Variants in PSMD12 observed in about 807,000 individuals in gnomAD.
The protein encoded by PSMD12 is 26S proteasome non-ATPase regulatory subunit 12.
Under a neutral mutation model 62.9 loss-of-function variants are expected in PSMD12, and 8 were observed. That is an observed-to-expected ratio of 0.13 (90% CI 0.07 to 0.23). The LOEUF is 0.23. PSMD12 is among the 10% of genes least tolerant of loss of function. The probability of loss-of-function intolerance (pLI) is 1.00; values close to 1 mark genes in which losing one functional copy is unlikely to be tolerated. For missense variants in PSMD12, 424 were observed against 550.2 expected (o/e 0.77, Z 2.29); for synonymous variants, 173 against 187.4 (o/e 0.92, Z 0.63).
intron 3 of PSMD12, among the ~76,000 whole-genome samples, chr17:67,352,928 T>G (rs1399125661): frequency 1.3e-5 from 2 of 152,334 alleles, no homozygotes; most frequent in African/African-American, 4.8e-5. Context: ...TGCTGGCCAT[T>G]TGTATATGCC....
rs1422789356 is a variant in PSMD12 at position 67,366,501 on chromosome 17, C to G, written c.19G>C (p.Glu7Gln). 3 of 1,607,856 alleles carry G rather than the reference C, an allele frequency of 1.9e-6. No homozygotes were observed. Among genetic ancestry groups the G allele is most frequent in the African/African-American group, 1.3e-5 (1 of 75,002 alleles). MADGGSERADGRIVKME... is the reference protein window; with the variant it reads MADGGSQRADGRIVKME... ...TTGACGATGCGCCCGTCAGCCCGCTCCGAGCCGCCGTCCGCCATGGTCCCC... is the reference window on the plus strand; with the variant it reads ...TTGACGATGCGCCCGTCAGCCCGCTGCGAGCCGCCGTCCGCCATGGTCCCC... The change falls in exon 1 of 11, where the codon GAG becomes CAG. Residue 7 changes from glutamate (E) to glutamine (Q), a missense_variant. By Grantham distance (29) the Glu-to-Gln change is conservative. Coordinates refer to ENST00000356126, the MANE Select transcript of PSMD12 (RefSeq NM_002816.5).
chr17:67,366,537 C>A lies in PSMD12; in HGVS notation c.-18G>T. 1.3e-6 allele frequency: 2 copies of A among 1,587,880 alleles called. No homozygotes were observed. Among genetic ancestry groups the A allele is most frequent in the Non-Finnish European group, 1.7e-6 (2 of 1,168,468 alleles). ...TCCGCCATGGTCCCCGCCTGAGCGT[C>A]CCTTGCTGTCCCCCTGCTTCGGCCA... On this transcript the variant is annotated 5_prime_UTR_variant, in exon 1 of 11. Transcript: ENST00000356126.
At position 67,340,787 on chromosome 17, in the gene PSMD12, AAC is replaced by A. The variant is rs1389303100; in HGVS notation, c.*54_*55del. 3 of 1,387,146 alleles carry A rather than the reference AAC, an allele frequency of 2.2e-6. No homozygotes were observed. The highest frequency in any genetic ancestry group is 2.5e-5 in the East Asian group (1 of 39,650). 85.9% of individuals were successfully genotyped at this position (1,387,146 alleles called of 1,614,324 possible). ...AAAACCCCAACATATACACCATTAT[AAC>A]AGTCTTTTTTTAATGACTTCCAATT... On this transcript the variant is annotated 3_prime_UTR_variant, in exon 11 of 11. Coordinates refer to ENST00000356126, the MANE Select transcript of PSMD12 (RefSeq NM_002816.5).
intron 4 of PSMD12, among the ~76,000 whole-genome samples, chr17:67,349,692 AGTT>A (rs1465567373): frequency 6.6e-6 from 1 of 152,226 alleles, no homozygotes; most frequent in Non-Finnish European, 1.5e-5. Context: ...TAGGTATTAA[AGTT>A]GTTAACATTT....
At chr17:67,344,859 T>C in intron 8 of PSMD12, 79 bp from the exon 9 acceptor site, 1 of 1,215,782 alleles carries the variant, frequency 8.2e-7, no homozygotes, top group Non-Finnish European at 1.1e-6. Flanking sequence ...GTTCAAAAAA[T>C]TCAGCAAAGA....
intron 3 of PSMD12, among the ~76,000 whole-genome samples, chr17:67,354,962 C>T (rs1381293316): frequency 6.6e-6 from 1 of 152,136 alleles, no homozygotes; most frequent in Non-Finnish European, 1.5e-5. Context: ...TGCACTCCAG[C>T]CTGGGGGACA....
intron 3 of PSMD12, 74 bp from the exon 4 acceptor site, chr17:67,350,410 G>A (rs1367743592): frequency 3.1e-5 from 35 of 1,124,774 alleles, no homozygotes; most frequent in Non-Finnish European, 4.1e-5. Flanking sequence ...ATTGATCAAA[G>A]AGCAATGATC....
Position 67,347,164 on chromosome 17 carries a change from T to A in PSMD12, c.747A>T (p.Ala249=), listed in dbSNP as rs1191078965. The A allele has an allele frequency of 6.2e-7, 1 of 1,612,964 alleles. No homozygotes were observed. Among genetic ancestry groups the A allele is most frequent in the Non-Finnish European group, 8.5e-7 (1 of 1,179,336 alleles). ...SYLSICKHYR[A]IYDTPCIQAE... Reference sequence around the variant, plus strand: ...CCTGTATACAGGGAGTATCATATATTGCTCTGTAGTGCTTACAAATAGACA... The same window carrying A: ...CCTGTATACAGGGAGTATCATATATAGCTCTGTAGTGCTTACAAATAGACA... Residue 249 remains alanine (A), a synonymous_variant, in exon 7 of 11, where the codon GCA becomes GCT. Transcript: ENST00000356126.
At chr17:67,355,367 C>T (rs2042059009) in intron 3 of PSMD12, 1 of 152,258 alleles carries the variant, frequency 6.6e-6, no homozygotes, top group South Asian at 2.1e-4. Context: ...GCTGGTATTA[C>T]AGGTGTGATC....
At chr17:67,362,603 A>G (rs2042142165) in intron 1 of PSMD12, among the ~76,000 whole-genome samples, 1 of 149,262 alleles carries the variant, frequency 6.7e-6, no homozygotes, top group Non-Finnish European at 1.5e-5. Context: ...TGGAGGTTGC[A>G]GTGAGCCGAG....
In PSMD12 at chr17:67,339,516, C is replaced by T. The variant is rs1354666038; in HGVS notation, c.*1327G>A. 6.6e-6 allele frequency: 1 copy of T among 152,172 alleles called. No individual in the cohort carries two copies. Among genetic ancestry groups the T allele is most frequent in the Non-Finnish European group, 1.5e-5 (1 of 68,044 alleles). 9.4% of individuals were successfully genotyped at this position (152,172 alleles called of 1,614,324 possible). On this transcript the variant is annotated 3_prime_UTR_variant, in exon 11 of 11. Transcript: ENST00000356126. ...TACTTCAGTACTGTATGTCATTATT[C>T]ACAATGACTCACAGGATAAATATGA...
intron 5 of PSMD12, 43 bp from the exon 6 acceptor site, chr17:67,347,528 T>A: frequency 6.5e-7 from 1 of 1,538,076 alleles, no homozygotes; most frequent in Non-Finnish European, 8.8e-7. Context: ...TACTTTGCAA[T>A]TTTGTGAATT....
intron 5 of PSMD12, among the ~76,000 whole-genome samples, 182 bp downstream of exon 5, chr17:67,348,368 T>A (rs1443787081): frequency 6.6e-6 from 1 of 152,202 alleles, no homozygotes; most frequent in Non-Finnish European, 1.5e-5. Context: ...ATCTTCTTAA[T>A]GGCTAATGAG....
At chr17:67,348,729 G>A in intron 4 of PSMD12, 75 bp from the exon 5 acceptor site, 1 of 1,278,110 alleles carries the variant, frequency 7.8e-7, no homozygotes, top group South Asian at 1.2e-5. Flanking sequence ...TGGGTATGTT[G>A]GCTCACACCT....
Position 67,344,681 on chromosome 17 carries a change from A to G in PSMD12, c.1008T>C (p.Pro336=), listed in dbSNP as rs745559069. ...MELRKGSLES[P]ATDVFGSTEE... Reference sequence around the variant, plus strand: ...CTGTAGAACCAAAAACATCCGTTGCAGGACTCTCAAGGGAACCTTTTCTTA... The same window carrying G: ...CTGTAGAACCAAAAACATCCGTTGCGGGACTCTCAAGGGAACCTTTTCTTA... Residue 336 remains proline, a synonymous_variant, in exon 9 of 11, where the codon CCT becomes CCC. Transcript: ENST00000356126. 1.9e-6 allele frequency: 3 copies of G among 1,613,798 alleles called. No homozygotes were observed. Among genetic ancestry groups the G allele is most frequent in the Non-Finnish European group, 1.7e-6 (2 of 1,179,792 alleles).
intron 1 of PSMD12, among the ~76,000 whole-genome samples, chr17:67,364,664 G>T (rs527708973): frequency 1.3e-5 from 2 of 152,302 alleles, no homozygotes; most frequent in African/African-American, 4.8e-5. Context: ...GGCTGACCTT[G>T]GCCTGTATGT....
chr17:67,355,110 G>C (rs1456557343), intron 3 of PSMD12, among the ~76,000 whole-genome samples: 1 of 92,410 alleles, frequency 1.1e-5, no homozygotes, highest in African/African-American at 3.5e-5. Context: ...TTTTTTTTTG[G>C]AGACAAGAGT....
At chr17:67,341,642 G>A (rs920440601) in intron 10 of PSMD12, among the ~76,000 whole-genome samples, 5 of 152,154 alleles carry the variant, frequency 3.3e-5, no homozygotes, top group Admixed American at 6.5e-5. Context: ...CCAACGGCAA[G>A]TTGGTCTACT....
intron 4 of PSMD12, among the ~76,000 whole-genome samples, 165 bp downstream of exon 4, chr17:67,350,064 A>G (rs1249512825): frequency 6.6e-6 from 1 of 152,194 alleles, no homozygotes; most frequent in Non-Finnish European, 1.5e-5. Context: ...CATTTGCAGA[A>G]AGGGATGTAC....
Sources: allele counts gnomAD v4.1 joint callset (sites outside exome capture counted in the v4.1 genomes callset), GRCh38; gene constraint gnomAD v4.1.1; transcripts MANE v1.5; gene names NCBI Gene and HGNC (gene_info 2026-07-23, HGNC 2026-07-21).